IDO2: variants seen among roughly 807,000 people sequenced by gnomAD.
The protein encoded by IDO2 is indoleamine 2,3-dioxygenase 2.
IDO2 carries 46 observed loss-of-function variants against 45.1 expected under a neutral mutation model. The ratio of observed to expected loss-of-function variants is 1.02; its 90% CI spans 0.80 to 1.30. IDO2 has a LOEUF of 1.30. Ranked by LOEUF, IDO2 falls within the 50% of genes most tolerant of loss-of-function variation. The probability of loss-of-function intolerance (pLI) is 0.00; values close to 1 mark genes in which losing one functional copy is unlikely to be tolerated. For missense variants in IDO2, 544 were observed against 491.8 expected (o/e 1.11, Z -1.00); for synonymous variants, 218 against 184.9 (o/e 1.18, Z -1.45).
chr8:39,993,411 G>A (rs562889318), intron 8 of IDO2, among the ~76,000 whole-genome samples: 7 of 152,226 alleles, frequency 4.6e-5, no homozygotes, highest in South Asian at 4.1e-4. Context: ...CATTGGCAGC[G>A]TTAAGAATTT....
chr8:39,988,242 T>C (rs1172122012), intron 7 of IDO2, among the ~76,000 whole-genome samples: 1 of 152,144 alleles, frequency 6.6e-6, no homozygotes, highest in Non-Finnish European at 1.5e-5. Flanking sequence ...ACAGACATTT[T>C]CCCAGCCCTG....
chr8:40,012,291 AGAC>A (rs896062608), intron 9 of IDO2, among the ~76,000 whole-genome samples: 16 of 152,216 alleles, frequency 1.1e-4, no homozygotes, highest in African/African-American at 3.9e-4. Flanking sequence ...TAGGAGGAAA[AGAC>A]GATATTCCTT....
intron 2 of IDO2, among the ~76,000 whole-genome samples, chr8:39,951,910 G>C (rs57264762): frequency 0.2 from 30,515 of 152,070 alleles, 3,311 homozygotes; most frequent in South Asian, 0.32. Context: ...AACATTTACG[G>C]CATCAGGTTC....
At chr8:39,961,320 C>CTTTTTTTTT (rs57577433) in intron 2 of IDO2, among the ~76,000 whole-genome samples, 3 of 106,106 alleles carry the variant, frequency 2.8e-5, no homozygotes, top group Admixed American at 1.2e-4. Context: ...TTGTATACTT[C>CTTTTTTTTT]TTTTTTTTTT....
intron 9 of IDO2, among the ~76,000 whole-genome samples, chr8:40,010,640 AC>A (rs1481284260): frequency 6.6e-6 from 1 of 152,172 alleles, no homozygotes; most frequent in Admixed American, 6.6e-5. Context: ...CTGGATATAT[AC>A]TGAAATCAAA....
At chr8:39,937,857 G>A (rs1479247156) in intron 1 of IDO2, among the ~76,000 whole-genome samples, 1 of 151,998 alleles carries the variant, frequency 6.6e-6, no homozygotes, top group Non-Finnish European at 1.5e-5. Context: ...CAAAGATCAA[G>A]GGAACTTTAG....
At chr8:39,970,405 A>T (rs1296928140) in intron 3 of IDO2, among the ~76,000 whole-genome samples, 1 of 152,178 alleles carries the variant, frequency 6.6e-6, no homozygotes, top group Non-Finnish European at 1.5e-5. Context: ...TAATTTATTT[A>T]TTTTGAGACA....
intron 2 of IDO2, among the ~76,000 whole-genome samples, chr8:39,958,665 C>T (rs764503202): frequency 2.6e-5 from 4 of 152,004 alleles, no homozygotes; most frequent in Non-Finnish European, 4.4e-5. Context: ...TGGCCAGGCT[C>T]GTCTTGAACC....
intron 8 of IDO2, among the ~76,000 whole-genome samples, chr8:40,003,984 T>C (rs1384155344): frequency 6.6e-6 from 1 of 152,226 alleles, no homozygotes; most frequent in African/African-American, 2.4e-5. Context: ...TCATTTTACA[T>C]AGAAGATATT....
intron 8 of IDO2, among the ~76,000 whole-genome samples, chr8:39,999,276 CTTTTTTTT>C: frequency 1.3e-5 from 1 of 78,420 alleles, no homozygotes; most frequent in Admixed American, 1.8e-4. Flanking sequence ...TCTGCTGCTG[CTTTTTTTT>C]TTTTTTTTTT....
intron 3 of IDO2, among the ~76,000 whole-genome samples, chr8:39,976,921 A>G (rs1370897147): frequency 1.3e-5 from 2 of 152,226 alleles, no homozygotes; most frequent in African/African-American, 4.8e-5. Flanking sequence ...ATGTCCTCAA[A>G]GTCATTTACA....
At chr8:39,949,395 C>A in intron 2 of IDO2, 131 bp downstream of exon 2, 2 of 644,938 alleles carry the variant, frequency 3.1e-6, no homozygotes, top group South Asian at 2.1e-5. Context: ...GAGAAAGATG[C>A]TACAAAGAGC....
Position 40,014,802 on chromosome 8 carries a change from A to C in IDO2, c.869-445A>C, listed in dbSNP as rs527688671. Reference sequence around the variant, plus strand: ...GTGAAGTCTGCAAACAAAAGGGCCAAGGTAGATTTGAGTTAGAACACCAGC... The same window carrying C: ...GTGAAGTCTGCAAACAAAAGGGCCACGGTAGATTTGAGTTAGAACACCAGC... On this transcript the variant is annotated intron_variant, in intron 10 of 10. Transcript: ENST00000502986. Among the ~76,000 whole-genome samples the C allele has an allele frequency of 4.6e-5, 7 of 152,284 alleles. No individual in the cohort carries two copies. In the South Asian group the frequency reaches 1.2e-3, roughly 27 times the overall value.
chr8:39,936,939 T>C (rs969273804), intron 1 of IDO2, among the ~76,000 whole-genome samples: 13 of 152,214 alleles, frequency 8.5e-5, no homozygotes, highest in African/African-American at 2.7e-4. Flanking sequence ...CTTCTGTGGG[T>C]CAAACTTTAC....
At chr8:39,999,199 ATGT>A (rs1157778296) in intron 8 of IDO2, among the ~76,000 whole-genome samples, 1 of 148,312 alleles carries the variant, frequency 6.7e-6, no homozygotes, top group African/African-American at 2.5e-5. Flanking sequence ...TCCCCTGACT[ATGT>A]GTACCTGTTT....
chr8:40,002,195 A>AT (rs200792769), intron 8 of IDO2, among the ~76,000 whole-genome samples: 15,929 of 152,244 alleles, frequency 0.1, 917 homozygotes, highest in Middle Eastern at 0.19. Flanking sequence ...TGTAAGTAGT[A>AT]TGAGATGAGA....
chr8:39,974,951 A>G (rs964747799), intron 3 of IDO2, among the ~76,000 whole-genome samples: 1 of 151,362 alleles, frequency 6.6e-6, no homozygotes, highest in Non-Finnish European at 1.5e-5. Context: ...ACAAAACAAA[A>G]GCACAAAATT....
intron 5 of IDO2, chr8:39,984,984 T>C: frequency 2.5e-6 from 1 of 407,946 alleles, no homozygotes; most frequent in Non-Finnish European, 4.8e-6. Flanking sequence ...CAGGCTGGAG[T>C]GCAGTGGCAT....
At chr8:39,989,759 C>T (rs1446759521) in exon 8 of IDO2, 1 of 1,603,004 alleles carries the variant, frequency 6.2e-7, no homozygotes, top group East Asian at 2.2e-5. Context: ...TGCAGCCCAA[C>T]CAGGAGGCCC....
Sources: gnomAD v4.1 joint callset for allele counts (sites outside exome capture counted in the v4.1 genomes callset) on GRCh38, gnomAD v4.1.1 for gene constraint, MANE v1.5 for transcripts, NCBI Gene and HGNC (gene_info 2026-07-23, HGNC 2026-07-21) for gene names.